Variants in F13A1 observed in about 807,000 individuals in gnomAD.
F13A1 encodes FSF, A subunit.
F13A1 carries 47 observed loss-of-function variants against 80.1 expected under a neutral mutation model. The observed-to-expected ratio is 0.59, with a 90% CI of 0.46 to 0.75. The LOEUF is 0.75. Ranked by LOEUF, F13A1 falls within the 30% of genes least tolerant of loss-of-function variation. The probability of loss-of-function intolerance (pLI) is 0.00; values close to 1 mark genes in which losing one functional copy is unlikely to be tolerated. For missense variants in F13A1, 817 were observed against 930.4 expected (o/e 0.88, Z 1.59); for synonymous variants, 349 against 344.9 (o/e 1.01, Z -0.13).
chr6:6,190,949 G>A (rs542494155), intron 10 of F13A1, among the ~76,000 whole-genome samples: 43 of 152,180 alleles, frequency 2.8e-4, no homozygotes, highest in Admixed American at 4.6e-4. Context: ...TAAGCCCGTC[G>A]GAAAAGCGCA....
intron 4 of F13A1, among the ~76,000 whole-genome samples, chr6:6,262,535 G>A (rs894552897): frequency 1.3e-5 from 2 of 152,176 alleles, no homozygotes; most frequent in Non-Finnish European, 2.9e-5. Flanking sequence ...TAATGAAGAA[G>A]ATTGTGCTAG....
At chr6:6,217,270 A>G (rs566199736) in intron 8 of F13A1, among the ~76,000 whole-genome samples, 1 of 152,150 alleles carries the variant, frequency 6.6e-6, no homozygotes, top group East Asian at 1.9e-4. Context: ...AAAGACTTGG[A>G]ACCAACCCAA....
At chr6:6,292,816 T>C (rs1317710296) in intron 3 of F13A1, among the ~76,000 whole-genome samples, 1 of 152,160 alleles carries the variant, frequency 6.6e-6, no homozygotes, top group Non-Finnish European at 1.5e-5. Flanking sequence ...ATGGCCCAGC[T>C]AGGGGGGATG....
intron 3 of F13A1, among the ~76,000 whole-genome samples, chr6:6,268,033 A>C (rs1368310906): frequency 6.6e-6 from 1 of 152,256 alleles, no homozygotes; most frequent in Admixed American, 6.5e-5. Context: ...ATCAAATCCA[A>C]GTTATACAAA....
At chr6:6,305,714 A>G in intron 2 of F13A1, 175 bp from the exon 3 acceptor site, 1 of 648,032 alleles carries the variant, frequency 1.5e-6, no homozygotes, top group South Asian at 1.9e-5. Flanking sequence ...CTCTTGTGAC[A>G]TTCTTGTTTT....
chr6:6,264,148 T>C (rs1012834977), intron 4 of F13A1, among the ~76,000 whole-genome samples: 1 of 152,194 alleles, frequency 6.6e-6, no homozygotes, highest in African/African-American at 2.4e-5. Context: ...ATTGTCCACC[T>C]CCTGAGTAGT....
intron 13 of F13A1, among the ~76,000 whole-genome samples, chr6:6,155,439 G>A (rs892738807): frequency 7.2e-4 from 109 of 152,262 alleles, no homozygotes; most frequent in African/African-American, 2.5e-3. Context: ...ATGCTGGAGT[G>A]GGGAGCAGGG....
At chr6:6,201,036 C>T (rs373713133) in intron 8 of F13A1, among the ~76,000 whole-genome samples, 9 of 152,282 alleles carry the variant, frequency 5.9e-5, no homozygotes, top group South Asian at 4.2e-4. Context: ...CCTGAATGGA[C>T]GCCGTCCTGC....
chr6:6,183,650 G>A (rs557021900), intron 10 of F13A1, among the ~76,000 whole-genome samples: 41 of 152,190 alleles, frequency 2.7e-4, no homozygotes, highest in South Asian at 4.1e-4. Context: ...TACCATGAAA[G>A]AATAAGTACA....
chr6:6,258,331 G>C (rs1031197535), intron 4 of F13A1, among the ~76,000 whole-genome samples: 3 of 152,128 alleles, frequency 2.0e-5, no homozygotes, highest in African/African-American at 7.2e-5. Context: ...GTTCAGTTCA[G>C]CAAACATTTA....
chr6:6,306,887 C>T (rs1758520487), intron 2 of F13A1, among the ~76,000 whole-genome samples: 1 of 152,046 alleles, frequency 6.6e-6, no homozygotes, highest in African/African-American at 2.4e-5. Flanking sequence ...CCCTTTGGAC[C>T]CCATTGTGTT....
At chr6:6,158,193 C>T (rs1760510480) in intron 13 of F13A1, among the ~76,000 whole-genome samples, 1 of 152,046 alleles carries the variant, frequency 6.6e-6, no homozygotes, top group Non-Finnish European at 1.5e-5. Flanking sequence ...TGATTTACTC[C>T]ACAAATAACC....
At chr6:6,224,908 T>A in intron 6 of F13A1, 48 bp from the exon 7 acceptor site, 1 of 1,606,568 alleles carries the variant, frequency 6.2e-7, no homozygotes, top group East Asian at 2.2e-5. Flanking sequence ...CATTTAGGTT[T>A]GTCTACTCCA....
rs1438215348 is a variant in F13A1 at position 6,162,400 on chromosome 6, T to A, written c.1908+5058A>T. On this transcript the variant is annotated intron_variant, in intron 13 of 14. Transcript: ENST00000264870. The surrounding 1 kb of genome is among the most constrained non-coding windows in gnomAD (Gnocchi z 4.2). ...TACTGGTTGAACGTTATCTGTTCATTGGAGACCATTCATCTTTCTACAGTC... is the reference window on the plus strand; with the variant it reads ...TACTGGTTGAACGTTATCTGTTCATAGGAGACCATTCATCTTTCTACAGTC... Among the ~76,000 whole-genome samples the A allele has an allele frequency of 6.6e-6, 1 of 152,232 alleles. No individual in the cohort carries two copies. Among genetic ancestry groups the A allele is most frequent in the Non-Finnish European group, 1.5e-5 (1 of 68,040 alleles).
chr6:6,265,432 G>A (rs970234595), intron 4 of F13A1, among the ~76,000 whole-genome samples: 26 of 152,282 alleles, frequency 1.7e-4, no homozygotes, highest in African/African-American at 6.3e-4. Flanking sequence ...TCTGCCTCTG[G>A]AACTTAAAAC....
chr6:6,267,599 C>T (rs761830484), intron 3 of F13A1, among the ~76,000 whole-genome samples: 1 of 152,090 alleles, frequency 6.6e-6, no homozygotes. Context: ...TAAATGGGAC[C>T]CATAATTCAT....
At chr6:6,286,273 C>T (rs909061797) in intron 3 of F13A1, among the ~76,000 whole-genome samples, 3 of 152,200 alleles carry the variant, frequency 2.0e-5, no homozygotes, top group Admixed American at 6.5e-5. Context: ...GTAATCCCAG[C>T]TACTGGAGAG....
intron 6 of F13A1, among the ~76,000 whole-genome samples, chr6:6,227,326 G>T (rs1243850009): frequency 1.3e-5 from 2 of 152,142 alleles, no homozygotes; most frequent in Non-Finnish European, 2.9e-5. Flanking sequence ...AGAACTTTAT[G>T]AACCACACAG....
At chr6:6,316,640 C>G (rs984740306) in intron 2 of F13A1, among the ~76,000 whole-genome samples, 4 of 152,162 alleles carry the variant, frequency 2.6e-5, no homozygotes, top group African/African-American at 9.7e-5. Flanking sequence ...GGCTACAGGT[C>G]GTACATATTC....
Sources: allele counts gnomAD v4.1 joint callset (sites outside exome capture counted in the v4.1 genomes callset), GRCh38; gene constraint gnomAD v4.1.1; non-coding constraint Gnocchi (gnomAD v3.1); transcripts MANE v1.5; gene names NCBI Gene and HGNC (gene_info 2026-07-23, HGNC 2026-07-21).